Variants in OTUD7A observed in about 807,000 individuals in gnomAD.
OTUD7A encodes the protein OTU domain-containing protein 7A.
In OTUD7A, 12 loss-of-function variants were observed where a neutral mutation model predicts 65.7. The observed-to-expected ratio is 0.18, with a 90% CI of 0.12 to 0.30. The LOEUF is 0.30. Ranked by LOEUF, OTUD7A falls within the 10% of genes least tolerant of loss-of-function variation. OTUD7A has a pLI of 1.00. For synonymous variants in OTUD7A, 641 were observed against 586.3 expected (o/e 1.09, Z -1.35); for missense variants, 1,148 against 1,304.8 (o/e 0.88, Z 1.85).
intron 4 of OTUD7A, among the ~76,000 whole-genome samples, chr15:31,561,644 A>G (rs1373241005): frequency 6.6e-6 from 1 of 152,158 alleles, no homozygotes; most frequent in Non-Finnish European, 1.5e-5. Flanking sequence ...AGTTTGAGGG[A>G]AAAAAGTATT....
intron 1 of OTUD7A, among the ~76,000 whole-genome samples, chr15:31,684,019 T>C (rs1190810401): frequency 4.6e-5 from 7 of 152,192 alleles, no homozygotes; most frequent in African/African-American, 1.4e-4. Flanking sequence ...ATAAGAAGCA[T>C]TGCAGCCCTG....
intron 8 of OTUD7A, among the ~76,000 whole-genome samples, chr15:31,524,145 T>G (rs2041977249): frequency 6.6e-6 from 1 of 152,044 alleles, no homozygotes; most frequent in Non-Finnish European, 1.5e-5. Context: ...TTTTTGTTTT[T>G]TTTTTTCCCT....
At chr15:31,522,283 C>T (rs898761555) in intron 8 of OTUD7A, among the ~76,000 whole-genome samples, 6 of 152,150 alleles carry the variant, frequency 3.9e-5, no homozygotes, top group African/African-American at 1.2e-4. Flanking sequence ...AAAACAGTGG[C>T]GGAGGGCGGA....
chr15:31,767,447 C>T, intron 1 of OTUD7A: 1 of 774,532 alleles, frequency 1.3e-6, no homozygotes, highest in Middle Eastern at 2.6e-4. Flanking sequence ...TGCTTCTTGG[C>T]CAATTTGCTA....
chr15:31,642,104 G>A (rs996364855), intron 3 of OTUD7A, among the ~76,000 whole-genome samples: 2 of 141,242 alleles, frequency 1.4e-5, no homozygotes, highest in African/African-American at 4.9e-5. Context: ...AGTTTTCTGA[G>A]TGTTTTCTAA....
chr15:31,528,028 T>TCCATCCAG (rs1461396353), intron 6 of OTUD7A, among the ~76,000 whole-genome samples: 2 of 152,200 alleles, frequency 1.3e-5, no homozygotes, highest in East Asian at 3.8e-4. Context: ...CATCCATCCG[T>TCCATCCAG]CCATCCAGCC....
At chr15:31,827,452 C>T (rs1228650011) in intron 1 of OTUD7A, among the ~76,000 whole-genome samples, 3 of 152,158 alleles carry the variant, frequency 2.0e-5, no homozygotes, top group African/African-American at 4.8e-5. Context: ...TCCCACAACA[C>T]GTGGGAATTA....
Position 31,486,266 on chromosome 15 carries a change from C to T in OTUD7A, c.1371+928G>A, listed in dbSNP as rs540518998. 3.3e-5 allele frequency among the ~76,000 whole-genome samples: 5 copies of T among 152,226 alleles called. No homozygotes were observed. The South Asian group carries it at 8.3e-4, about 25-fold the overall frequency. On this transcript the variant is annotated intron_variant, in intron 12 of 12. Transcript: ENST00000307050. ...ACGGGAGTGCTCCAGGCCTTTGAGA[C>T]GCAGGACTCAAACTGCCACCGACTG...
intron 1 of OTUD7A, among the ~76,000 whole-genome samples, chr15:31,685,007 A>G (rs1382478098): frequency 6.6e-6 from 1 of 151,502 alleles, no homozygotes. Flanking sequence ...CTTGTCAATC[A>G]CCATATTTTA....
At chr15:31,561,178 C>A (rs1888675408) in intron 4 of OTUD7A, among the ~76,000 whole-genome samples, 2 of 152,170 alleles carry the variant, frequency 1.3e-5, no homozygotes, top group Admixed American at 1.3e-4. Context: ...AGAAGTTAAA[C>A]CACACAGGAC....
intron 3 of OTUD7A, among the ~76,000 whole-genome samples, chr15:31,622,260 A>C (rs1260397414): frequency 6.6e-6 from 1 of 152,116 alleles, no homozygotes; most frequent in Non-Finnish European, 1.5e-5. Flanking sequence ...GCTCTTCTCA[A>C]GGAGTATCTT....
chr15:31,803,294 A>G (rs1461807776), intron 1 of OTUD7A, among the ~76,000 whole-genome samples: 3 of 152,098 alleles, frequency 2.0e-5, no homozygotes, highest in Non-Finnish European at 4.4e-5. Context: ...ATCAATCTAT[A>G]TCACTTCAAC....
intron 10 of OTUD7A, among the ~76,000 whole-genome samples, chr15:31,488,086 C>A (rs951600900): frequency 2.0e-5 from 3 of 152,194 alleles, no homozygotes; most frequent in Non-Finnish European, 4.4e-5. Context: ...GTGGGAAGCT[C>A]ACCTGTGCTG....
intron 3 of OTUD7A, among the ~76,000 whole-genome samples, chr15:31,617,190 A>G (rs780321358): frequency 5.3e-5 from 8 of 152,160 alleles, no homozygotes; most frequent in Non-Finnish European, 1.2e-4. Flanking sequence ...GGAAAGACTT[A>G]GAATAATCGA....
At chr15:31,683,163 C>T (rs1892757722) in intron 1 of OTUD7A, among the ~76,000 whole-genome samples, 1 of 152,184 alleles carries the variant, frequency 6.6e-6, no homozygotes, top group African/African-American at 2.4e-5. Context: ...ACTACTTACA[C>T]ATGTCAGCGA....
At chr15:31,559,244 T>G in intron 4 of OTUD7A, 57 bp from the exon 5 acceptor site, 1 of 1,506,782 alleles carries the variant, frequency 6.6e-7, no homozygotes, top group Non-Finnish European at 9.0e-7. Flanking sequence ...GGTGTGGCTC[T>G]ATGTACATAA....
chr15:31,569,764 T>C (rs920150833), intron 4 of OTUD7A, among the ~76,000 whole-genome samples: 1 of 152,210 alleles, frequency 6.6e-6, no homozygotes, highest in African/African-American at 2.4e-5. Context: ...ATGCTGGCTT[T>C]TACTCACTTA....
At chr15:31,643,247 G>A (rs1177601385) in intron 3 of OTUD7A, among the ~76,000 whole-genome samples, 1 of 152,206 alleles carries the variant, frequency 6.6e-6, no homozygotes, top group African/African-American at 2.4e-5. Context: ...AACCTCCCAA[G>A]TAGCTGGGAT....
chr15:31,708,332 T>C (rs1361355675), intron 1 of OTUD7A, among the ~76,000 whole-genome samples: 1 of 151,868 alleles, frequency 6.6e-6, no homozygotes, highest in Non-Finnish European at 1.5e-5. Context: ...AAATTGCACA[T>C]GCCCTTTGCA....
Sources: gnomAD v4.1 joint callset for allele counts (sites outside exome capture counted in the v4.1 genomes callset) on GRCh38, gnomAD v4.1.1 for gene constraint, MANE v1.5 for transcripts, NCBI Gene and HGNC (gene_info 2026-07-23, HGNC 2026-07-21) for gene names.